HDGFL2: variants seen among roughly 807,000 people sequenced by gnomAD.
HDGFL2 encodes the protein hepatoma-derived growth factor-related protein 2.
In HDGFL2, 36 loss-of-function variants were observed where a neutral mutation model predicts 77.1. The observed-to-expected ratio is 0.47, with a 90% CI of 0.36 to 0.62. The LOEUF (loss-of-function observed/expected upper bound fraction) is 0.62, where lower values mean the gene tolerates loss of function less well. Ranked by LOEUF, HDGFL2 falls within the 20% of genes least tolerant of loss-of-function variation. The pLI, the probability that HDGFL2 is intolerant of heterozygous loss-of-function variation, is 0.00. For missense variants in HDGFL2, 976 were observed against 973.4 expected (o/e 1.00, Z -0.04); for synonymous variants, 463 against 413.1 (o/e 1.12, Z -1.46).
intron 1 of HDGFL2, among the ~76,000 whole-genome samples, chr19:4,472,775 TCCTGCAGGACCCGCCGTCTGGG>T (rs1461126255): frequency 7.2e-6 from 1 of 139,712 alleles, no homozygotes; most frequent in Non-Finnish European, 1.5e-5. Context: ...GGTGTTCGGA[TCCTGCAGGACCCGCCGTCTGGG>T]CCTGCAGGAG....
chr19:4,492,024 A>G (rs568533544), intron 6 of HDGFL2, among the ~76,000 whole-genome samples, 189 bp downstream of exon 6: 1 of 152,260 alleles, frequency 6.6e-6, no homozygotes, highest in African/African-American at 2.4e-5. Context: ...GGAGCCCACC[A>G]TCTGGTTTGG....
chr19:4,481,404 A>T (rs1226358517), intron 3 of HDGFL2, among the ~76,000 whole-genome samples: 2 of 151,892 alleles, frequency 1.3e-5, no homozygotes, highest in African/African-American at 4.8e-5. Context: ...GTTAGCCAGG[A>T]TGGTCTCGAT....
chr19:4,491,857 T>G (rs1257425897), intron 6 of HDGFL2, 22 bp downstream of exon 6: 15 of 1,607,566 alleles, frequency 9.3e-6, no homozygotes, highest in Admixed American at 5.0e-5. Context: ...TTGACTTTGT[T>G]TCCCATGCCC....
intron 3 of HDGFL2, among the ~76,000 whole-genome samples, chr19:4,483,176 G>A (rs576090371): frequency 6.6e-6 from 1 of 152,314 alleles, no homozygotes; most frequent in East Asian, 1.9e-4. Context: ...ACACAGACAG[G>A]GCCCTGTCGC....
intron 11 of HDGFL2, 54 bp from the exon 12 acceptor site, chr19:4,498,252 C>A: frequency 6.7e-7 from 1 of 1,499,588 alleles, no homozygotes; most frequent in East Asian, 2.3e-5. Context: ...CCTTGAACAG[C>A]TGGCCCCCTG....
In HDGFL2 at chr19:4,494,408, G is replaced by T; in HGVS notation, c.1157G>T (p.Arg386Leu). Residue 386 changes from arginine to leucine, a missense_variant, in exon 9 of 16, where the codon CGC (arginine) becomes CTC (leucine). By Grantham distance (102) the Arg-to-Leu change is moderately radical. Transcript: ENST00000616600. ...EDDEPVKKRG[R>L]KGRGRGPPSS... ...GATGAGCCCGTCAAGAAGCGGGGAC[G>T]CAAGGGCCGGGGCCGGGGTCCCCCG... 1 of 1,406,354 alleles carries T rather than the reference G, an allele frequency of 7.1e-7. No individual in the cohort carries two copies. The highest frequency in any genetic ancestry group is 9.2e-7 in the Non-Finnish European group (1 of 1,084,996). 87.1% of individuals were successfully genotyped at this position (1,406,354 alleles called of 1,614,324 possible).
At chr19:4,478,201 T>G (rs932871238) in intron 3 of HDGFL2, among the ~76,000 whole-genome samples, 1 of 151,676 alleles carries the variant, frequency 6.6e-6, no homozygotes, top group African/African-American at 2.4e-5. Flanking sequence ...GCTGCTGTTT[T>G]TTTTTTTTTG....
At chr19:4,476,828 G>A (rs1975085254) in intron 3 of HDGFL2, among the ~76,000 whole-genome samples, 2 of 151,948 alleles carry the variant, frequency 1.3e-5, no homozygotes, top group South Asian at 4.2e-4. Flanking sequence ...TGGGGAGTGG[G>A]GGAACTGGGC....
chr19:4,494,140 T>TC, intron 8 of HDGFL2, 26 bp from the exon 9 acceptor site: 1 of 1,489,306 alleles, frequency 6.7e-7, no homozygotes. Context: ...GGAACGGAGG[T>TC]CCCCAACCGC....
intron 8 of HDGFL2, 54 bp from the exon 9 acceptor site, chr19:4,494,112 G>A (rs1380441740): frequency 1.3e-6 from 2 of 1,513,252 alleles, no homozygotes; most frequent in Admixed American, 2.3e-5. Context: ...CTGAGGGGCA[G>A]GGCGGGCTCC....
intron 12 of HDGFL2, 75 bp from the exon 13 acceptor site, chr19:4,498,739 C>T: frequency 1.1e-6 from 1 of 950,422 alleles, no homozygotes; most frequent in Non-Finnish European, 1.7e-6. Flanking sequence ...ATGTCTTCCT[C>T]CACCCATCGG....
rs761652614 is a variant in HDGFL2 at position 4,493,870 on chromosome 19, C to A, written c.838+8C>A. The A allele has an allele frequency of 6.0e-6, 9 of 1,503,728 alleles. No individual in the cohort carries two copies. Among genetic ancestry groups the A allele is most frequent in the Non-Finnish European group, 7.1e-6 (8 of 1,119,048 alleles). 93.1% of individuals were successfully genotyped at this position (1,503,728 alleles called of 1,614,324 possible). A position where few individuals can be genotyped will look rare whatever the true frequency, so the allele number is the denominator to read the frequency against. ...CGAGGGGCAGGAAGCCAGGTAGGGCCCTCGTGCTCGCACATCTCTTGGCCT... is the reference window on the plus strand; with the variant it reads ...CGAGGGGCAGGAAGCCAGGTAGGGCACTCGTGCTCGCACATCTCTTGGCCT... On this transcript the variant is annotated splice_region_variant and intron_variant, in intron 7 of 15. Coordinates refer to ENST00000616600, the MANE Select transcript of HDGFL2 (RefSeq NM_001001520.3).
chr19:4,500,265 C>T (rs989651504), intron 14 of HDGFL2, among the ~76,000 whole-genome samples: 1 of 152,066 alleles, frequency 6.6e-6, no homozygotes. Flanking sequence ...AGGGGGCAGC[C>T]GAAGGCTAGT....
chr19:4,479,651 G>A (rs1975164140), intron 3 of HDGFL2, among the ~76,000 whole-genome samples: 2 of 151,062 alleles, frequency 1.3e-5, no homozygotes, highest in East Asian at 2.0e-4. Context: ...GCTTACACCT[G>A]TAATCCCAGC....
At chr19:4,493,344 G>A (rs1231134897) in intron 6 of HDGFL2, among the ~76,000 whole-genome samples, 2 of 149,984 alleles carry the variant, frequency 1.3e-5, no homozygotes, top group Non-Finnish European at 3.0e-5. Flanking sequence ...GTTTGGCAGG[G>A]TACTCGGGTG....
intron 15 of HDGFL2, chr19:4,501,617 G>A (rs1011642385): frequency 1.5e-5 from 7 of 467,746 alleles, no homozygotes; most frequent in Middle Eastern, 5.4e-4. Flanking sequence ...ACGGGCACCC[G>A]GCTATCTGAC....
At chr19:4,488,931 C>A in intron 4 of HDGFL2, 55 bp downstream of exon 4, 1 of 1,299,190 alleles carries the variant, frequency 7.7e-7, no homozygotes, top group Non-Finnish European at 1.1e-6. Flanking sequence ...GATGTCTCGC[C>A]TGGCAGCTTG....
rs1308188790 is a variant in HDGFL2, at chr19:4,494,054, A to G, written c.911A>G (p.Asp304Gly). The G allele has an allele frequency of 6.2e-7, 1 of 1,606,330 alleles. No homozygotes were observed. Among genetic ancestry groups the G allele is most frequent in the Non-Finnish European group, 8.5e-7 (1 of 1,177,040 alleles). ...PERPPSSSSS[D>G]SDSDEVDRIS... ...CGGCCTCCGTCCAGCTCCAGCAGTG[A>G]CAGGTGGGTGCTGGGGCTGGGGTCC... is the stretch of plus-strand genomic sequence containing the variant. Residue 304 changes from aspartate (D) to glycine (G), a missense_variant, in exon 8 of 16, where the codon GAC becomes GGC. Transcript: ENST00000616600.
At position 4,491,609 on chromosome 19, in the gene HDGFL2, A is replaced by G; in HGVS notation, c.533A>G (p.Asp178Gly). 1.2e-6 allele frequency: 2 copies of G among 1,613,894 alleles called. No individual in the cohort carries two copies. The highest frequency in any genetic ancestry group is 1.7e-6 in the Non-Finnish European group (2 of 1,180,018). The change falls in exon 5 of 16, where the codon GAT becomes GGT. Residue 178 changes from aspartate to glycine, a missense_variant. Asp to Gly is a moderately conservative substitution (Grantham distance 94). Coordinates refer to ENST00000616600, the MANE Select transcript of HDGFL2 (RefSeq NM_001001520.3). The part of the protein sequence containing the change: ...KRARKASSDL[D>G]QASVSPSEEE... Reference sequence around the variant, plus strand: ...GCCCGAAAGGCCTCCAGCGACCTGGATCAGGCCAGCGTGTCCCCATCCGAA... The same window carrying G: ...GCCCGAAAGGCCTCCAGCGACCTGGGTCAGGCCAGCGTGTCCCCATCCGAA...
Sources: allele counts gnomAD v4.1 joint callset (sites outside exome capture counted in the v4.1 genomes callset), GRCh38; gene constraint gnomAD v4.1.1; transcripts MANE v1.5; gene names NCBI Gene and HGNC (gene_info 2026-07-23, HGNC 2026-07-21).